The following RCBTB2 variants were observed in gnomAD, a reference collection of about 807,000 sequenced individuals.
RCBTB2 encodes RCC1 and BTB domain containing protein 2.
RCBTB2 carries 55 observed loss-of-function variants against 65.4 expected under a neutral mutation model. The observed-to-expected ratio is 0.84, with a 90% CI of 0.68 to 1.05. RCBTB2 has a LOEUF of 1.05. Among genes scored for constraint, RCBTB2 ranks in the 50% least tolerant of loss-of-function variants. The pLI, the probability that RCBTB2 is intolerant of heterozygous loss-of-function variation, is 0.00. For missense variants in RCBTB2, 599 were observed against 680.1 expected (o/e 0.88, Z 1.33); for synonymous variants, 220 against 255.2 (o/e 0.86, Z 1.31).
At chr13:48,499,165 C>CTG (rs1950119636) in intron 13 of RCBTB2, among the ~76,000 whole-genome samples, 3 of 151,034 alleles carry the variant, frequency 2.0e-5, no homozygotes, top group African/African-American at 7.4e-5. Flanking sequence ...CTCTCTCTCT[C>CTG]TCTCACACAC....
chr13:48,502,632 T>C lies in RCBTB2; in HGVS notation c.1117+92A>G. Reference sequence around the variant, plus strand: ...ATCAGAGAGAAATAAATTATGATAGTGCACCTAACAAAATCCTCATTATCA... The same window carrying C: ...ATCAGAGAGAAATAAATTATGATAGCGCACCTAACAAAATCCTCATTATCA... On this transcript the variant is annotated intron_variant, in intron 11 of 14. Coordinates refer to ENST00000344532, the MANE Select transcript of RCBTB2 (RefSeq NM_001268.4). The C allele has an allele frequency of 4.8e-6, 6 of 1,252,884 alleles. No homozygotes were observed. The South Asian group carries it at 6.1e-5, about 13-fold the overall frequency. 77.6% of individuals were successfully genotyped at this position (1,252,884 alleles called of 1,614,324 possible).
rs1188056114 is a variant in RCBTB2, at chr13:48,502,747, A to T, written c.1094T>A (p.Val365Asp). 2 of 1,612,294 alleles carry T rather than the reference A, an allele frequency of 1.2e-6. No homozygotes were observed. Among genetic ancestry groups the T allele is most frequent in the Non-Finnish European group, 1.7e-6 (2 of 1,178,716 alleles). The change falls in exon 11 of 15, where the codon GTC becomes GAC. Residue 365 changes from valine to aspartate, a missense_variant. Coordinates refer to ENST00000344532, the MANE Select transcript of RCBTB2 (RefSeq NM_001268.4). ...DVFACFATPAVTWRLLSVEPD... is the reference protein window; with the variant it reads ...DVFACFATPADTWRLLSVEPD... ...ACCCACGGAGAGGAGGCGCCACGTG[A>T]CGGCGGGCGTGGCAAAGCAGGCAAA...
intron 4 of RCBTB2, among the ~76,000 whole-genome samples, chr13:48,518,776 A>G (rs1165118057): frequency 1.3e-5 from 2 of 152,128 alleles, no homozygotes; most frequent in Non-Finnish European, 2.9e-5. Context: ...CAAGGCCACA[A>G]TAGAGCTAAG....
intron 14 of RCBTB2, among the ~76,000 whole-genome samples, chr13:48,492,809 G>T (rs1566253156): frequency 6.6e-6 from 1 of 152,130 alleles, no homozygotes; most frequent in Non-Finnish European, 1.5e-5. Flanking sequence ...GAGTGCTCAG[G>T]ACTTAATCTT....
At chr13:48,510,930 G>C (rs1290475416) in intron 9 of RCBTB2, among the ~76,000 whole-genome samples, 159 bp from the exon 10 acceptor site, 1 of 152,142 alleles carries the variant, frequency 6.6e-6, no homozygotes, top group Non-Finnish European at 1.5e-5. Flanking sequence ...CAGAACATGT[G>C]GGCCAGAATT....
At chr13:48,526,212 A>C (rs1951722248) in intron 1 of RCBTB2, among the ~76,000 whole-genome samples, 2 of 152,196 alleles carry the variant, frequency 1.3e-5, no homozygotes, top group South Asian at 2.1e-4. Flanking sequence ...AAAACTCATA[A>C]ACTATAATTT....
intron 1 of RCBTB2, among the ~76,000 whole-genome samples, chr13:48,526,507 C>A (rs1313740364): frequency 6.6e-6 from 1 of 151,920 alleles, no homozygotes; most frequent in Admixed American, 6.6e-5. Context: ...CTGCACTCAG[C>A]CCGGGTGACA....
At chr13:48,533,224 C>T, upstream of RCBTB2, 1 of 338,860 alleles carries the variant, frequency 3.0e-6, no homozygotes, top group South Asian at 2.1e-5. Flanking sequence ...CGTCTCGCCC[C>T]TCCTCTCCTC....
intron 10 of RCBTB2, among the ~76,000 whole-genome samples, chr13:48,506,587 G>A (rs953014771): frequency 2.0e-5 from 3 of 152,200 alleles, no homozygotes; most frequent in African/African-American, 7.2e-5. Flanking sequence ...TGGCAGTGCT[G>A]AGGGAGGCAG....
upstream of RCBTB2, chr13:48,533,257 C>T: frequency 3.3e-6 from 1 of 302,514 alleles, no homozygotes; most frequent in South Asian, 2.3e-5. Context: ...ACCGCCGCCC[C>T]TCCCCTTTCT....
At chr13:48,491,294 G>A (rs555240592) in intron 14 of RCBTB2, among the ~76,000 whole-genome samples, 4 of 150,486 alleles carry the variant, frequency 2.7e-5, no homozygotes, top group Admixed American at 1.3e-4. Context: ...ATAAACCTAC[G>A]GTACATTTTC....
upstream of RCBTB2, among the ~76,000 whole-genome samples, chr13:48,534,424 A>C (rs1342438046): frequency 6.6e-6 from 1 of 152,198 alleles, no homozygotes; most frequent in Non-Finnish European, 1.5e-5. Context: ...TTTACAGATA[A>C]GGCAACTCAG....
chr13:48,532,375 A>C, intron 1 of RCBTB2: 1 of 152,490 alleles, frequency 6.6e-6, no homozygotes, highest in Non-Finnish European at 1.5e-5. Context: ...GGACATCAGG[A>C]CCAAATGTCG....
Position 48,496,187 on chromosome 13 carries a change from T to C in RCBTB2, c.1515+4A>G, listed in dbSNP as rs1949959832. 3 of 1,476,372 alleles carry C rather than the reference T, an allele frequency of 2.0e-6. No individual in the cohort carries two copies. Among genetic ancestry groups the C allele is most frequent in the Admixed American group, 2.4e-5 (1 of 42,400 alleles). The allele number at this position is 1,476,372 out of a possible 1,614,324, so 91.5% of individuals were successfully genotyped here. Reference sequence around the variant, plus strand: ...GCCGGCAGCTGGAAGCAAGCTTTCCTTACCTGTGCATCATACTTCACCGCA... The same window carrying C: ...GCCGGCAGCTGGAAGCAAGCTTTCCCTACCTGTGCATCATACTTCACCGCA... On this transcript the variant is annotated splice_donor_region_variant and intron_variant, in intron 14 of 14. Transcript: ENST00000344532.
intron 10 of RCBTB2, among the ~76,000 whole-genome samples, chr13:48,505,306 G>GACT (rs1193215392): frequency 2.6e-5 from 4 of 152,290 alleles, no homozygotes; most frequent in African/African-American, 9.6e-5. Flanking sequence ...ACATTATGAT[G>GACT]ACTACTCAGC....
At chr13:48,495,897 A>G (rs1949944540) in intron 14 of RCBTB2, among the ~76,000 whole-genome samples, 2 of 152,048 alleles carry the variant, frequency 1.3e-5, no homozygotes, top group Non-Finnish European at 2.9e-5. Context: ...TGTTGCAAGT[A>G]TTTTTCCCAG....
intron 9 of RCBTB2, 149 bp downstream of exon 9, chr13:48,511,621 A>G: frequency 3.0e-6 from 2 of 664,098 alleles, no homozygotes; most frequent in East Asian, 3.0e-5. Flanking sequence ...AATTTAATTC[A>G]AGGAAAAAGA....
At chr13:48,526,520 GATCTT>G (rs1026268772) in intron 1 of RCBTB2, among the ~76,000 whole-genome samples, 62 of 152,120 alleles carry the variant, frequency 4.1e-4, no homozygotes, top group African/African-American at 1.4e-3. Flanking sequence ...GGGTGACAAA[GATCTT>G]ATCTCAAAAA....
chr13:48,515,605 T>C lies in RCBTB2; in HGVS notation c.179A>G (p.Tyr60Cys), dbSNP rs1416437806. The C allele has an allele frequency of 1.2e-6, 2 of 1,610,822 alleles. No homozygotes were observed. Among genetic ancestry groups the C allele is most frequent in the Non-Finnish European group, 1.7e-6 (2 of 1,179,034 alleles). Residue 60 changes from tyrosine to cysteine, a missense_variant, in exon 5 of 15, where the codon TAC becomes TGC. Coordinates refer to ENST00000344532, the MANE Select transcript of RCBTB2 (RefSeq NM_001268.4). ...AATTACCTCATCATTTACTGTAGTG[T>C]ATAAAACTTCATTGCCAGCACTGCC... is the stretch of plus-strand genomic sequence containing the variant. The part of the protein sequence containing the change: ...VFGSAGNEVL[Y>C]TTVNDEIFVL...
Sources: allele counts gnomAD v4.1 joint callset (sites outside exome capture counted in the v4.1 genomes callset), GRCh38; gene constraint gnomAD v4.1.1; transcripts MANE v1.5; gene names NCBI Gene and HGNC (gene_info 2026-07-23, HGNC 2026-07-21).